Variants in IGF2R observed in about 807,000 individuals in gnomAD.
The protein encoded by IGF2R is cation-independent mannose-6-phosphate receptor.
A neutral mutation model predicts 270.6 loss-of-function variants in IGF2R; 91 were observed. That is an observed-to-expected ratio of 0.34 (90% CI 0.28 to 0.40). IGF2R has a LOEUF of 0.40. Ranked by LOEUF, IGF2R falls within the 10% of genes least tolerant of loss-of-function variation. The probability of loss-of-function intolerance (pLI) is 1.00; values close to 1 mark genes in which losing one functional copy is unlikely to be tolerated. For missense variants in IGF2R, 2,805 were observed against 3,188.3 expected, an observed-to-expected ratio of 0.88 and a Z score of 2.90; for synonymous variants, 1,316 against 1,258.9, an observed-to-expected ratio of 1.05 and a Z score of -0.96.
In IGF2R at chr6:160,050,419, C is replaced by G; in HGVS notation, c.2515-54C>G. On this transcript the variant is annotated intron_variant, in intron 18 of 47. Transcript: ENST00000356956. The surrounding 1 kb of genome is among the most constrained non-coding windows in gnomAD (Gnocchi z 4.0). ...TATAGAATGTAACCACCACCAATAACGAATCGACTGTATCTTCAGGGGGAA... is the reference window on the plus strand; with the variant it reads ...TATAGAATGTAACCACCACCAATAAGGAATCGACTGTATCTTCAGGGGGAA... 6.5e-7 allele frequency: 1 copy of G among 1,527,948 alleles called. No individual in the cohort carries two copies. The highest frequency in any genetic ancestry group is 1.2e-5 in the South Asian group (1 of 83,156). 94.6% of individuals were successfully genotyped at this position (1,527,948 alleles called of 1,614,324 possible). A position where few individuals can be genotyped will look rare whatever the true frequency, so the allele number is the denominator to read the frequency against.
In IGF2R at chr6:160,019,484, C is replaced by G. The variant is rs370283161; in HGVS notation, c.514-5088C>G. On this transcript the variant is annotated intron_variant, in intron 4 of 47. Coordinates refer to ENST00000356956, the MANE Select transcript of IGF2R (RefSeq NM_000876.4). The stretch of plus-strand genomic sequence containing the variant: ...CTCATTATTTGAAGCCAATATTATC[C>G]TGATAACCAAAGCCAAACAAGCACA... 2.0e-5 allele frequency among the ~76,000 whole-genome samples: 3 copies of G among 152,140 alleles called. No homozygotes were observed. In the South Asian group the frequency reaches 6.2e-4, roughly 31 times the overall value.
chr6:160,024,436 G>A, intron 4 of IGF2R, 136 bp from the exon 5 acceptor site: 2 of 787,134 alleles, frequency 2.5e-6, no homozygotes, highest in Non-Finnish European at 2.1e-6. Flanking sequence ...ACCTTTGCCT[G>A]AGTTCGTTAT....
intron 1 of IGF2R, among the ~76,000 whole-genome samples, chr6:159,970,516 A>T (rs893956867): frequency 6.6e-6 from 1 of 152,120 alleles, no homozygotes; most frequent in African/African-American, 2.4e-5. Context: ...GAACATGCAG[A>T]AATTAGTCTA....
At chr6:160,016,777 A>G (rs1777309496) in intron 4 of IGF2R, among the ~76,000 whole-genome samples, 1 of 152,396 alleles carries the variant, frequency 6.6e-6, no homozygotes, top group South Asian at 2.1e-4. Context: ...CAAGGAATTC[A>G]TACAGTCTTT....
intron 13 of IGF2R, among the ~76,000 whole-genome samples, chr6:160,045,045 T>C (rs891013016): frequency 6.6e-6 from 1 of 152,260 alleles, no homozygotes; most frequent in African/African-American, 2.4e-5. Context: ...TCATTACCTT[T>C]ATTTATAGAT....
intron 2 of IGF2R, among the ~76,000 whole-genome samples, chr6:159,991,940 C>T (rs1783985620): frequency 6.6e-6 from 1 of 152,184 alleles, no homozygotes; most frequent in Non-Finnish European, 1.5e-5. Context: ...ATTAATATAT[C>T]AGCACCAGGT....
At chr6:159,982,277 G>A (rs1186046715) in intron 1 of IGF2R, among the ~76,000 whole-genome samples, 1 of 152,160 alleles carries the variant, frequency 6.6e-6, no homozygotes, top group Non-Finnish European at 1.5e-5. Flanking sequence ...CTGGATTTCT[G>A]AAGGTGACTG....
chr6:160,083,999 G>A lies in IGF2R; in HGVS notation c.5883G>A (p.Glu1961=), dbSNP rs754144936. 1.6e-5 allele frequency: 26 copies of A among 1,614,036 alleles called. No homozygotes were observed. Among genetic ancestry groups the A allele is most frequent in the Admixed American group, 1.3e-4 (8 of 60,010 alleles). ...SSIIFKCDED[E]DIGRPQVFSE... ...TCATATTTAAGTGTGATGAAGATGAGGACATTGGGAGGCCACAAGTCTTCA... is the reference window on the plus strand; with the variant it reads ...TCATATTTAAGTGTGATGAAGATGAAGACATTGGGAGGCCACAAGTCTTCA... The change falls in exon 40 of 48, where the codon GAG becomes GAA. Residue 1961 remains glutamate, a synonymous_variant. Coordinates refer to ENST00000356956, the MANE Select transcript of IGF2R (RefSeq NM_000876.4).
At chr6:160,023,870 C>G (rs1407253441) in intron 4 of IGF2R, among the ~76,000 whole-genome samples, 1 of 152,114 alleles carries the variant, frequency 6.6e-6, no homozygotes. Flanking sequence ...TGTGGCACAC[C>G]TCTGGATTGA....
chr6:160,027,362 G>A, intron 6 of IGF2R, 48 bp downstream of exon 6: 1 of 1,562,860 alleles, frequency 6.4e-7, no homozygotes. Flanking sequence ...CTCCAGCAAG[G>A]ACCTGACTTT....
chr6:160,079,513 G>A, intron 37 of IGF2R, 67 bp from the exon 38 acceptor site: 1 of 1,157,748 alleles, frequency 8.6e-7, no homozygotes, highest in South Asian at 2.6e-5. Context: ...TGCAATAGTG[G>A]TTCTCTCTTC....
intron 1 of IGF2R, among the ~76,000 whole-genome samples, chr6:159,980,004 C>A (rs960299218): frequency 5.9e-5 from 9 of 151,994 alleles, no homozygotes; most frequent in Non-Finnish European, 1.0e-4. Flanking sequence ...ACGGTGAAAC[C>A]CTGTCTCTAC....
At chr6:160,006,026 A>G (rs1216340581) in intron 2 of IGF2R, 1 of 39,844 alleles carries the variant, frequency 2.5e-5, no homozygotes, top group African/African-American at 1.1e-4. Flanking sequence ...ATACCTCCCC[A>G]CCCCTGTGCC....
At chr6:159,970,508 A>T (rs1291493723) in intron 1 of IGF2R, among the ~76,000 whole-genome samples, 5 of 152,148 alleles carry the variant, frequency 3.3e-5, no homozygotes, top group African/African-American at 7.2e-5. Context: ...TGTGTTCAGA[A>T]CATGCAGAAA....
chr6:160,073,969 C>A lies in IGF2R; in HGVS notation c.5160C>A (p.Pro1720=), dbSNP rs1486945692. Reference sequence around the variant, plus strand: ...TGTGCAAAGTTCCTATTGATGGTCCCCCCATAGTAAGTATGACAAATCCAA... The same window carrying A: ...TGTGCAAAGTTCCTATTGATGGTCCACCCATAGTAAGTATGACAAATCCAA... ...AAVCKVPIDG[P]PIDIGRVAGP... The change falls in exon 35 of 48, where the codon CCC becomes CCA. Residue 1720 remains proline (P), a synonymous_variant. Coordinates refer to ENST00000356956, the MANE Select transcript of IGF2R (RefSeq NM_000876.4). The A allele has an allele frequency of 6.2e-7, 1 of 1,609,356 alleles. No individual in the cohort carries two copies. The highest frequency in any genetic ancestry group is 8.5e-7 in the Non-Finnish European group (1 of 1,176,852).
At chr6:160,054,169 C>CGA (rs1554244844) in intron 19 of IGF2R, among the ~76,000 whole-genome samples, 1 of 152,154 alleles carries the variant, frequency 6.6e-6, no homozygotes, top group Non-Finnish European at 1.5e-5. Flanking sequence ...GGGAGGAAGA[C>CGA]TAAGACACGA....
intron 7 of IGF2R, among the ~76,000 whole-genome samples, chr6:160,032,330 G>GA (rs199883394): frequency 4.6e-5 from 7 of 151,594 alleles, no homozygotes; most frequent in Admixed American, 3.3e-4. Flanking sequence ...GAGTCAAATG[G>GA]AAAAAAAATA....
chr6:159,981,628 G>C (rs1221038202), intron 1 of IGF2R, among the ~76,000 whole-genome samples: 1 of 152,232 alleles, frequency 6.6e-6, no homozygotes, highest in African/African-American at 2.4e-5. Context: ...CAATGACCTT[G>C]TAGGCTAGCT....
intron 19 of IGF2R, among the ~76,000 whole-genome samples, chr6:160,053,396 T>C (rs901519863): frequency 6.6e-5 from 10 of 152,190 alleles, no homozygotes; most frequent in African/African-American, 2.2e-4. Flanking sequence ...ACATGTACCC[T>C]AGAACTTAAC....
Sources: allele counts gnomAD v4.1 joint callset (sites outside exome capture counted in the v4.1 genomes callset), GRCh38; gene constraint gnomAD v4.1.1; non-coding constraint Gnocchi (gnomAD v3.1); transcripts MANE v1.5; gene names NCBI Gene and HGNC (gene_info 2026-07-23, HGNC 2026-07-21).